The following HELB variants were observed in gnomAD, a reference collection of about 807,000 sequenced individuals.
The protein encoded by HELB is DNA 5'-3' helicase B.
A neutral mutation model predicts 101.7 loss-of-function variants in HELB; 96 were observed. That is an observed-to-expected ratio of 0.94 (90% confidence interval 0.80 to 1.12). The LOEUF (loss-of-function observed/expected upper bound fraction) is 1.12, where lower values mean the gene tolerates loss of function less well. Among genes scored for constraint, HELB ranks in the 50% most tolerant of loss-of-function variants. HELB has a pLI of 0.00. For synonymous variants in HELB, 437 were observed against 459.7 expected (o/e 0.95, Z 0.63); for missense variants, 1,210 against 1,291.9 (o/e 0.94, Z 0.97).
intron 7 of HELB, 100 bp downstream of exon 7, chr12:66,318,892 G>A: frequency 2.4e-6 from 2 of 850,350 alleles, no homozygotes; most frequent in African/African-American, 1.8e-5. Context: ...TAATGGTAAA[G>A]AGAAATATTG....
chr12:66,304,715 G>A lies in HELB; in HGVS notation c.188-16G>A. On this transcript the variant is annotated splice_polypyrimidine_tract_variant and intron_variant, in intron 1 of 12. Coordinates refer to ENST00000247815, the MANE Select transcript of HELB (RefSeq NM_001370285.1). Reference sequence around the variant, plus strand: ...CCAGAGTTAACTTTTGTGGGTTTTTGTTTGTTTTTTTTTAGTTTCTATTTG... The same window carrying A: ...CCAGAGTTAACTTTTGTGGGTTTTTATTTGTTTTTTTTTAGTTTCTATTTG... 1.9e-6 allele frequency: 3 copies of A among 1,568,494 alleles called. No homozygotes were observed. The highest frequency in any genetic ancestry group is 2.6e-6 in the Non-Finnish European group (3 of 1,163,002).
chr12:66,334,042 C>T (rs1291017305), intron 12 of HELB, among the ~76,000 whole-genome samples: 1 of 151,740 alleles, frequency 6.6e-6, no homozygotes, highest in African/African-American at 2.4e-5. Flanking sequence ...CACCTATAGT[C>T]CCAGCTACGC....
intron 5 of HELB, 58 bp downstream of exon 5, chr12:66,314,221 GTT>G: frequency 6.9e-7 from 1 of 1,459,612 alleles, no homozygotes; most frequent in South Asian, 1.3e-5. Flanking sequence ...TGGTTAGTTG[GTT>G]GTTTACACCA....
chr12:66,337,278 G>A (rs1565646283), intron 12 of HELB, among the ~76,000 whole-genome samples: 2 of 152,070 alleles, frequency 1.3e-5, no homozygotes, highest in East Asian at 3.9e-4. Flanking sequence ...GTTCCATTTT[G>A]TACCCCAGGT....
intron 4 of HELB, among the ~76,000 whole-genome samples, chr12:66,311,133 T>A (rs2053540141): frequency 6.7e-6 from 1 of 150,154 alleles, no homozygotes; most frequent in South Asian, 2.1e-4. Flanking sequence ...AGTGCACTGC[T>A]TCCTTCTTTG....
rs533956196 is a variant in HELB, at chr12:66,325,930, A to G, written c.2670+804A>G. Among the ~76,000 whole-genome samples, 5 of 152,242 alleles carry G rather than the reference A, an allele frequency of 3.3e-5. No homozygotes were observed. In the East Asian group the frequency reaches 9.7e-4, roughly 29 times the overall value. On this transcript the variant is annotated intron_variant, in intron 11 of 12. Coordinates refer to ENST00000247815, the MANE Select transcript of HELB (RefSeq NM_001370285.1). ...GAAGAGTTGGAATGATACTACAGAGAGTTTTCATATACCTTTCACCCAGCT... is the reference window on the plus strand; with the variant it reads ...GAAGAGTTGGAATGATACTACAGAGGGTTTTCATATACCTTTCACCCAGCT...
At chr12:66,330,239 G>A (rs905368073) in intron 11 of HELB, among the ~76,000 whole-genome samples, 11 of 152,076 alleles carry the variant, frequency 7.2e-5, no homozygotes, top group Non-Finnish European at 1.2e-4. Flanking sequence ...ACAGTTACAC[G>A]GTGATATTGA....
intron 7 of HELB, 32 bp from the exon 8 acceptor site, chr12:66,321,916 G>A: frequency 1.3e-6 from 1 of 796,416 alleles, no homozygotes; most frequent in Non-Finnish European, 2.1e-6. Flanking sequence ...TTGGTGATTT[G>A]CTGTGTTAAC....
At chr12:66,314,858 G>A (rs539322434) in intron 5 of HELB, among the ~76,000 whole-genome samples, 10 of 152,124 alleles carry the variant, frequency 6.6e-5, no homozygotes, top group African/African-American at 2.2e-4. Flanking sequence ...GAACGTATCT[G>A]TTATCAAATG....
At chr12:66,332,451 A>G (rs376847788) in intron 12 of HELB, among the ~76,000 whole-genome samples, 2 of 152,192 alleles carry the variant, frequency 1.3e-5, no homozygotes, top group Non-Finnish European at 2.9e-5. Context: ...TTTAAATTGC[A>G]TGCCATTCTG....
At chr12:66,342,287 T>A (rs2053923170), downstream of HELB, 1 of 152,210 alleles carries the variant, frequency 6.6e-6, no homozygotes, top group Non-Finnish European at 1.5e-5. Flanking sequence ...ATTATCTTGG[T>A]ACCCTTCTCA....
downstream of HELB, chr12:66,342,636 C>G (rs2053926130): frequency 2.0e-5 from 3 of 152,062 alleles, no homozygotes; most frequent in Non-Finnish European, 4.4e-5. Flanking sequence ...CTTGGCCTCC[C>G]AAAGTGCTGG....
chr12:66,327,864 G>A lies in HELB; in HGVS notation c.2670+2738G>A, dbSNP rs142423310. On this transcript the variant is annotated intron_variant, in intron 11 of 12. Coordinates refer to ENST00000247815, the MANE Select transcript of HELB (RefSeq NM_001370285.1). The stretch of plus-strand genomic sequence containing the variant: ...GTGGCAAATCCTGTGGAAAAGAGGT[G>A]GGAGTGGGTGCAATTGTGATTTTAA... Among the ~76,000 whole-genome samples the A allele has an allele frequency of 4.3e-4, 66 of 152,322 alleles. 1 individual carries two copies. The highest frequency in any genetic ancestry group is 6.8e-3 in the Middle Eastern group (2 of 294).
rs751289909 is a variant in HELB at position 66,321,999 on chromosome 12, C to T, written c.2207C>T (p.Ala736Val). 8.5e-7 allele frequency: 1 copy of T among 1,172,330 alleles called. No homozygotes were observed. The allele number at this position is 1,172,330 out of a possible 1,614,324, so 72.6% of individuals were successfully genotyped here. ...CTACAAGAAAATAACTTACAAAATGCAAAAACATCACAATTTATTGCATTT... is the reference window on the plus strand; with the variant it reads ...CTACAAGAAAATAACTTACAAAATGTAAAAACATCACAATTTATTGCATTT... ...TLLQENNLQN[A>V]KTSQFIAFRR... is the part of the protein sequence containing the mutation. The change falls in exon 8 of 13, where the codon GCA (alanine) becomes GTA (valine). Residue 736 changes from alanine (A) to valine (V), a missense_variant. Physicochemically the swap from Ala to Val is moderately conservative, Grantham distance 64. Transcript: ENST00000247815.
chr12:66,331,215 A>G lies in HELB; in HGVS notation c.2732A>G (p.His911Arg). The change falls in exon 12 of 13, where the codon CAT (histidine) becomes CGT (arginine). Residue 911 changes from histidine (H) to arginine (R), a missense_variant. His to Arg is a conservative substitution (Grantham distance 29). Coordinates refer to ENST00000247815, the MANE Select transcript of HELB (RefSeq NM_001370285.1). ...AAGGCGGGCCGCCAGCACTGGCAGCATGTCTACACCGCCGTGACCAGGGGC... is the reference window on the plus strand; with the variant it reads ...AAGGCGGGCCGCCAGCACTGGCAGCGTGTCTACACCGCCGTGACCAGGGGC... ...VGKAGRQHWQHVYTAVTRGRC... is the reference protein window; with the variant it reads ...VGKAGRQHWQRVYTAVTRGRC... The G allele has an allele frequency of 1.2e-6, 2 of 1,613,576 alleles. No homozygotes were observed. The highest frequency in any genetic ancestry group is 1.7e-6 in the Non-Finnish European group (2 of 1,179,444).
downstream of HELB, chr12:66,338,414 G>A: frequency 4.8e-6 from 1 of 209,708 alleles, no homozygotes; most frequent in Non-Finnish European, 9.3e-6. Flanking sequence ...GGCTGAGGCA[G>A]GTGGATCACC....
intron 12 of HELB, 35 bp downstream of exon 12, chr12:66,331,680 T>A (rs774377399): frequency 3.9e-6 from 6 of 1,557,296 alleles, no homozygotes; most frequent in Admixed American, 1.8e-5. Flanking sequence ...CAAGTTTTAT[T>A]TAAATATCGC....
At chr12:66,314,300 T>G in intron 5 of HELB, 137 bp downstream of exon 5, 4 of 786,252 alleles carry the variant, frequency 5.1e-6, no homozygotes, top group Non-Finnish European at 8.1e-6. Context: ...TACATGAAAT[T>G]AAATCTGACC....
At chr12:66,340,615 G>C (rs973370419), downstream of HELB, 1 of 183,492 alleles carries the variant, frequency 5.4e-6, no homozygotes, top group Admixed American at 6.2e-5. Context: ...TATGTGGGGG[G>C]GGGGCGGGGA....
Sources: allele counts gnomAD v4.1 joint callset (sites outside exome capture counted in the v4.1 genomes callset), GRCh38; gene constraint gnomAD v4.1.1; transcripts MANE v1.5; gene names NCBI Gene and HGNC (gene_info 2026-07-23, HGNC 2026-07-21).